GNL3L: variants seen among roughly 807,000 people sequenced by gnomAD.
The protein encoded by GNL3L is guanine nucleotide-binding protein-like 3-like protein.
A neutral mutation model predicts 42.9 loss-of-function variants in GNL3L; 4 were observed. The ratio of observed to expected loss-of-function variants is 0.09; its 90% CI spans 0.05 to 0.21. The LOEUF is 0.21. Among genes scored for constraint, GNL3L ranks in the 10% least tolerant of loss-of-function variants. The pLI, the probability that GNL3L is intolerant of heterozygous loss-of-function variation, is 1.00. For missense variants in GNL3L, 412 were observed against 481.7 expected (o/e 0.86, Z 1.36); for synonymous variants, 159 against 176.3 (o/e 0.90, Z 0.78).
rs1173410562 is a variant in GNL3L, at chrX:54,563,482, G to A, written c.*2880G>A. Among the ~76,000 whole-genome samples, 4 of 111,422 alleles carry A rather than the reference G, an allele frequency of 3.6e-5. No homozygotes were observed. The highest frequency in any genetic ancestry group is 9.6e-5 in the Admixed American group (1 of 10,369). Reference sequence around the variant, plus strand: ...CAAACAGAACTAAAGTAGTCATGTCGGTAAGAATTTGGGACTGCAGGCCAG... The same window carrying A: ...CAAACAGAACTAAAGTAGTCATGTCAGTAAGAATTTGGGACTGCAGGCCAG... On this transcript the variant is annotated 3_prime_UTR_variant, in exon 16 of 16. Transcript: ENST00000360845.
At chrX:54,576,573 G>C (rs1925637102) in intron 16 of GNL3L, among the ~76,000 whole-genome samples, 1 of 110,591 alleles carries the variant, frequency 9.0e-6, no homozygotes, top group Non-Finnish European at 1.9e-5. Flanking sequence ...TCTGCCTCCT[G>C]GGTTCTAGCA....
At chrX:54,573,917 C>T (rs1326418808) in intron 16 of GNL3L, among the ~76,000 whole-genome samples, 2 of 107,509 alleles carry the variant, frequency 1.9e-5, no homozygotes, top group Admixed American at 1.0e-4. Flanking sequence ...TGAATTTTGC[C>T]GTTTTCATTG....
intron 13 of GNL3L, 36 bp downstream of exon 13, chrX:54,552,464 A>G: frequency 8.5e-7 from 1 of 1,177,837 alleles, no homozygotes; most frequent in Non-Finnish European, 1.2e-6. Context: ...TTGGTCTTGC[A>G]CTAGTGGGGC....
Position 54,552,280 on chromosome X carries a change from C to G in GNL3L, c.1182-12C>G. The G allele has an allele frequency of 8.3e-7, 1 of 1,205,490 alleles. No individual in the cohort carries two copies. The highest frequency in any genetic ancestry group is 1.1e-6 in the Non-Finnish European group (1 of 889,647). Reference sequence around the variant, plus strand: ...TGACAGCACCACTCATCTCCCCTATCTCCCAATGCAGCGGGAAGATCAGCT... The same window carrying G: ...TGACAGCACCACTCATCTCCCCTATGTCCCAATGCAGCGGGAAGATCAGCT... On this transcript the variant is annotated splice_polypyrimidine_tract_variant and intron_variant, in intron 12 of 15. Transcript: ENST00000360845.
chrX:54,557,799 C>T (rs1286785526), intron 14 of GNL3L, among the ~76,000 whole-genome samples: 1 of 110,885 alleles, frequency 9.0e-6, no homozygotes, highest in African/African-American at 3.3e-5. Context: ...TTAGGCTGGT[C>T]TCAAACTCCT....
At chrX:54,593,254 G>T (rs1412748004) in intron 16 of GNL3L, among the ~76,000 whole-genome samples, 1 of 111,559 alleles carries the variant, frequency 9.0e-6, no homozygotes, top group African/African-American at 3.3e-5. Context: ...TTCAGGTTCT[G>T]GGCTTTTCTT....
At chrX:54,542,776 T>G (rs1924662044) in intron 5 of GNL3L, among the ~76,000 whole-genome samples, 179 bp from the exon 6 acceptor site, 2 of 111,675 alleles carry the variant, frequency 1.8e-5, no homozygotes, top group African/African-American at 6.5e-5. Flanking sequence ...CCTGACTTTT[T>G]AATGATCGCC....
chrX:54,583,616 G>T (rs1409467848), intron 16 of GNL3L, among the ~76,000 whole-genome samples: 2 of 110,264 alleles, frequency 1.8e-5, no homozygotes, highest in Non-Finnish European at 3.8e-5. Context: ...TTACCTTTAA[G>T]TTTGCATCCA....
At chrX:54,572,438 T>G (rs1213948395) in intron 16 of GNL3L, among the ~76,000 whole-genome samples, 1 of 111,788 alleles carries the variant, frequency 8.9e-6, no homozygotes, top group Non-Finnish European at 1.9e-5. Flanking sequence ...ATCCGATTTC[T>G]CAATCTTTTC....
rs746230927 is a variant in GNL3L at position 54,558,464 on chromosome X, A to G, written c.1475A>G (p.Asn492Ser). Residue 492 changes from asparagine to serine, a missense_variant, in exon 15 of 16, where the codon AAT becomes AGT. Asn to Ser is a conservative substitution (Grantham distance 46). Transcript: ENST00000360845. ...GGAGATCTCACTGGGTATTGCACCA[A>G]TCCGAACCGTCATCAGATGGGGTGG... ...KIGDLTGYCT[N>S]PNRHQMGWAK... 6 of 1,204,219 alleles carry G rather than the reference A, an allele frequency of 5.0e-6. No homozygotes were observed. The East Asian group carries it at 1.2e-4, about 24-fold the overall frequency.
intron 16 of GNL3L, among the ~76,000 whole-genome samples, chrX:54,604,168 A>T (rs1008199780): frequency 1.8e-5 from 2 of 111,573 alleles, no homozygotes; most frequent in Non-Finnish European, 3.8e-5. Context: ...AAAAGGAAAT[A>T]TGTGCCAGGC....
At position 54,541,258 on chromosome X, in the gene GNL3L, G is replaced by C; in HGVS notation, c.190-15G>C. 8.9e-7 allele frequency: 1 copy of C among 1,123,639 alleles called. No individual in the cohort carries two copies. The highest frequency in any genetic ancestry group is 1.2e-6 in the Non-Finnish European group (1 of 815,883). The allele number at this position is 1,123,639 out of a possible 1,213,427, so 92.6% of individuals were successfully genotyped here. A position where few individuals can be genotyped will look rare whatever the true frequency, so the allele number is the denominator to read the frequency against. ...ACCCAGTCAGCTCCAGTACCAGTGT[G>C]TGTTCACTTGTTAGGTTGAGGAGAT... is the stretch of plus-strand genomic sequence containing the variant. On this transcript the variant is annotated splice_polypyrimidine_tract_variant and intron_variant, in intron 4 of 15. Coordinates refer to ENST00000360845, the MANE Select transcript of GNL3L (RefSeq NM_001184819.2).
intron 13 of GNL3L, among the ~76,000 whole-genome samples, chrX:54,553,264 G>T (rs192963902): frequency 8.9e-6 from 1 of 112,065 alleles, no homozygotes; most frequent in East Asian, 2.8e-4. Flanking sequence ...ACTCTCTGCA[G>T]CCCTGGCTTG....
intron 3 of GNL3L, among the ~76,000 whole-genome samples, 194 bp downstream of exon 3, chrX:54,539,295 C>T (rs956993706): frequency 9.0e-6 from 1 of 111,383 alleles, no homozygotes; most frequent in Non-Finnish European, 1.9e-5. Context: ...TATGCAGCTT[C>T]GTGCTTGATT....
At chrX:54,608,704 A>G (rs1212226774) in intron 16 of GNL3L, among the ~76,000 whole-genome samples, 1 of 112,213 alleles carries the variant, frequency 8.9e-6, no homozygotes, top group African/African-American at 3.2e-5. Context: ...TTATGGCTGC[A>G]TAGTATTCCA....
At chrX:54,591,318 C>T (rs1019141628) in intron 16 of GNL3L, among the ~76,000 whole-genome samples, 4 of 110,366 alleles carry the variant, frequency 3.6e-5, no homozygotes, top group African/African-American at 6.6e-5. Flanking sequence ...TTAGGCGGGG[C>T]GCAGTGGCTC....
At chrX:54,582,487 C>T (rs1925729612) in intron 16 of GNL3L, among the ~76,000 whole-genome samples, 1 of 112,520 alleles carries the variant, frequency 8.9e-6, no homozygotes. Context: ...GATACAGTTT[C>T]TTTGCATCCT....
chrX:54,542,459 T>G (rs1297325794), intron 5 of GNL3L, among the ~76,000 whole-genome samples: 18 of 111,080 alleles, frequency 1.6e-4, no homozygotes, highest in South Asian at 3.8e-4. Flanking sequence ...AGTATTCCAT[T>G]GTGTATATGT....
At chrX:54,541,531 G>T in intron 5 of GNL3L, 142 bp downstream of exon 5, 1 of 321,213 alleles carries the variant, frequency 3.1e-6, no homozygotes, top group Non-Finnish European at 5.7e-6. Context: ...GGGGACGGAC[G>T]AAGGGAGGGA....
Sources: allele counts gnomAD v4.1 joint callset (sites outside exome capture counted in the v4.1 genomes callset), GRCh38; gene constraint gnomAD v4.1.1; transcripts MANE v1.5; gene names NCBI Gene and HGNC (gene_info 2026-07-23, HGNC 2026-07-21).